SLC25A21: variants seen among roughly 807,000 people sequenced by gnomAD.
The protein encoded by SLC25A21 is solute carrier family 25 member 21.
In SLC25A21, 47 loss-of-function variants were observed where a neutral mutation model predicts 43.8. The ratio of observed to expected loss-of-function variants is 1.07; its 90% CI spans 0.85 to 1.37. The LOEUF (loss-of-function observed/expected upper bound fraction) is 1.37, where lower values mean the gene tolerates loss of function less well. SLC25A21 is among the 40% of genes most tolerant of loss of function. The probability of loss-of-function intolerance (pLI) is 0.00; values close to 1 mark genes in which losing one functional copy is unlikely to be tolerated. For missense variants in SLC25A21, 352 were observed against 350.2 expected (o/e 1.00, Z -0.04); for synonymous variants, 131 against 121.3 (o/e 1.08, Z -0.52).
At chr14:36,929,296 T>G (rs1028410765) in intron 1 of SLC25A21, among the ~76,000 whole-genome samples, 6 of 152,192 alleles carry the variant, frequency 3.9e-5, no homozygotes, top group African/African-American at 1.4e-4. Flanking sequence ...TCACAGTCCA[T>G]GGGATTTTGT....
chr14:36,878,538 A>C (rs1890613901), intron 1 of SLC25A21, among the ~76,000 whole-genome samples: 1 of 152,162 alleles, frequency 6.6e-6, no homozygotes, highest in African/African-American at 2.4e-5. Context: ...TATGAAGATA[A>C]CCATATAAAT....
chr14:36,773,574 T>C (rs991716495), intron 3 of SLC25A21, among the ~76,000 whole-genome samples: 4 of 152,204 alleles, frequency 2.6e-5, no homozygotes, highest in African/African-American at 4.8e-5. Flanking sequence ...ATCCTTGTCT[T>C]AAAAGAGCCC....
At chr14:36,938,358 G>C (rs890977103) in intron 1 of SLC25A21, among the ~76,000 whole-genome samples, 2 of 152,112 alleles carry the variant, frequency 1.3e-5, no homozygotes, top group African/African-American at 4.8e-5. Flanking sequence ...ATTAGGTGGA[G>C]TTCACTCATT....
chr14:36,976,828 T>C (rs1411521068), intron 1 of SLC25A21, among the ~76,000 whole-genome samples: 3 of 152,350 alleles, frequency 2.0e-5, no homozygotes, highest in Non-Finnish European at 2.9e-5. Context: ...TCTGAGTTCA[T>C]CTTCTTGCTT....
intron 8 of SLC25A21, among the ~76,000 whole-genome samples, chr14:36,684,245 G>A (rs1406338817): frequency 6.6e-6 from 1 of 152,126 alleles, no homozygotes; most frequent in East Asian, 1.9e-4. Flanking sequence ...ATACGATGCA[G>A]TTTATATCAA....
At chr14:37,134,321 G>A (rs936790453) in intron 1 of SLC25A21, among the ~76,000 whole-genome samples, 1 of 152,136 alleles carries the variant, frequency 6.6e-6, no homozygotes. Context: ...GAAACTATGT[G>A]AAAATTATTT....
At chr14:36,853,203 G>T (rs906178514) in intron 2 of SLC25A21, among the ~76,000 whole-genome samples, 2 of 152,218 alleles carry the variant, frequency 1.3e-5, no homozygotes, top group Non-Finnish European at 2.9e-5. Context: ...TGCTAGATAA[G>T]TGTTTTGGCA....
chr14:37,034,637 G>A (rs1488601099), intron 1 of SLC25A21, among the ~76,000 whole-genome samples: 1 of 152,168 alleles, frequency 6.6e-6, no homozygotes, highest in Non-Finnish European at 1.5e-5. Context: ...GCATGTCAGC[G>A]ACAAAAACAC....
At chr14:37,156,474 C>T (rs1963852283) in intron 1 of SLC25A21, among the ~76,000 whole-genome samples, 1 of 151,968 alleles carries the variant, frequency 6.6e-6, no homozygotes, top group South Asian at 2.1e-4. Flanking sequence ...ATAAATGATA[C>T]AGAACGGCTA....
In SLC25A21 at chr14:37,097,345, C is replaced by T. The variant is rs1028175184; in HGVS notation, c.70+74936G>A. Among the ~76,000 whole-genome samples, 6 of 152,096 alleles carry T rather than the reference C, an allele frequency of 3.9e-5. No individual in the cohort carries two copies. The South Asian group carries it at 6.2e-4, about 16-fold the overall frequency. On this transcript the variant is annotated intron_variant, in intron 1 of 9. Transcript: ENST00000331299. ...TGAACTCCTGAGCTCAAGCTATCTG[C>T]TCACCTTGGCCTCCCAAAGTGCTGG...
intron 1 of SLC25A21, among the ~76,000 whole-genome samples, chr14:37,164,010 G>A (rs1004469283): frequency 1.3e-5 from 2 of 152,142 alleles, no homozygotes; most frequent in African/African-American, 4.8e-5. Context: ...CTGTAGTCAA[G>A]GCTGGGGGCA....
chr14:37,138,285 A>G (rs1256702664), intron 1 of SLC25A21, among the ~76,000 whole-genome samples: 2 of 152,248 alleles, frequency 1.3e-5, no homozygotes, highest in African/African-American at 2.4e-5. Context: ...TAGTTCTAGA[A>G]GTTTTACTTA....
At chr14:37,114,137 A>G (rs528600828) in intron 1 of SLC25A21, among the ~76,000 whole-genome samples, 7 of 152,322 alleles carry the variant, frequency 4.6e-5, no homozygotes, top group African/African-American at 1.7e-4. Context: ...ATAATAAAAC[A>G]TAGAGTTACA....
At chr14:36,811,526 C>T (rs1405575732) in intron 3 of SLC25A21, among the ~76,000 whole-genome samples, 1 of 152,094 alleles carries the variant, frequency 6.6e-6, no homozygotes, top group Non-Finnish European at 1.5e-5. Context: ...TGGTGGGCAC[C>T]TGTAATCCCA....
intron 1 of SLC25A21, among the ~76,000 whole-genome samples, chr14:36,957,520 AGATCCTTTCTG>A (rs1959372815): frequency 6.6e-6 from 1 of 152,218 alleles, no homozygotes; most frequent in Non-Finnish European, 1.5e-5. Flanking sequence ...TGATCCCCAT[AGATCCTTTCTG>A]CTTCACAGTT....
chr14:36,958,705 A>ACACACACG (rs1440415221), intron 1 of SLC25A21, among the ~76,000 whole-genome samples: 1 of 151,920 alleles, frequency 6.6e-6, no homozygotes, highest in Non-Finnish European at 1.5e-5. Context: ...ACACACACAC[A>ACACACACG]CACACACACA....
intron 1 of SLC25A21, among the ~76,000 whole-genome samples, chr14:36,940,337 T>A (rs1264875009): frequency 6.6e-6 from 1 of 152,180 alleles, no homozygotes; most frequent in East Asian, 1.9e-4. Flanking sequence ...AAATTTTCTC[T>A]AAGATTTAAA....
chr14:36,720,968 GA>G, intron 6 of SLC25A21, among the ~76,000 whole-genome samples: 1 of 152,342 alleles, frequency 6.6e-6, no homozygotes, highest in Admixed American at 6.5e-5. Context: ...CACTGAGGGA[GA>G]AGACCCTTGC....
intron 1 of SLC25A21, among the ~76,000 whole-genome samples, chr14:37,022,515 A>C (rs1250676051): frequency 6.6e-6 from 1 of 151,918 alleles, no homozygotes; most frequent in African/African-American, 2.4e-5. Context: ...TCAATGTATG[A>C]GATCTCTCTC....
Sources: gnomAD v4.1 joint callset for allele counts (sites outside exome capture counted in the v4.1 genomes callset) on GRCh38, gnomAD v4.1.1 for gene constraint, MANE v1.5 for transcripts, NCBI Gene and HGNC (gene_info 2026-07-23, HGNC 2026-07-21) for gene names.